The following GRID2 variants were observed in gnomAD, a reference collection of about 807,000 sequenced individuals.
GRID2 encodes the protein glutamate receptor ionotropic, delta-2.
A neutral mutation model predicts 114.8 loss-of-function variants in GRID2; 33 were observed. That is an observed-to-expected ratio of 0.29 (90% CI 0.22 to 0.38). GRID2 has a LOEUF of 0.38. Ranked by LOEUF, GRID2 falls within the 10% of genes least tolerant of loss-of-function variation. GRID2 has a pLI of 1.00. For missense variants in GRID2, 1,184 were observed against 1,257.7 expected, an observed-to-expected ratio of 0.94 and a Z score of 0.89; for synonymous variants, 505 against 449.9, an observed-to-expected ratio of 1.12 and a Z score of -1.55.
chr4:92,509,508 TA>T (rs1457344762), intron 1 of GRID2, among the ~76,000 whole-genome samples: 1 of 151,976 alleles, frequency 6.6e-6, no homozygotes, highest in Non-Finnish European at 1.5e-5. Context: ...AAAACAGACA[TA>T]AATGCTTGTT....
intron 2 of GRID2, among the ~76,000 whole-genome samples, chr4:92,678,247 T>A (rs1254816339): frequency 6.6e-6 from 1 of 152,152 alleles, no homozygotes; most frequent in Admixed American, 6.5e-5. Context: ...TTTATCAGCA[T>A]CTCACATACT....
chr4:93,248,856 A>G (rs2149527676), intron 8 of GRID2, among the ~76,000 whole-genome samples: 1 of 152,182 alleles, frequency 6.6e-6, no homozygotes, highest in East Asian at 1.9e-4. Flanking sequence ...TGTTTTTTCC[A>G]GTAATTTTAT....
intron 2 of GRID2, among the ~76,000 whole-genome samples, chr4:92,634,450 A>T (rs780701222): frequency 3.3e-5 from 5 of 152,154 alleles, no homozygotes; most frequent in Non-Finnish European, 7.3e-5. Flanking sequence ...GCCCTTTTGC[A>T]TTTGAACAAA....
chr4:92,699,077 G>GA (rs756576536), intron 2 of GRID2, among the ~76,000 whole-genome samples: 80 of 151,322 alleles, frequency 5.3e-4, no homozygotes, highest in African/African-American at 9.2e-4. Flanking sequence ...TTATAAATAA[G>GA]AAAAAAAACA....
Position 92,428,033 on chromosome 4 carries a change from C to T in GRID2, c.88+123289C>T, listed in dbSNP as rs527570348. Among the ~76,000 whole-genome samples, 760 of 152,076 alleles carry T rather than the reference C, an allele frequency of 5.0e-3. 2 individuals carry two copies. Among genetic ancestry groups the T allele is most frequent in the Non-Finnish European group, 7.4e-3 (505 of 67,968 alleles). ...ATCCCAGCACTTTGGGAGGCTGAGG[C>T]GGGCGGATCATGAGGTCAGGAGATC... On this transcript the variant is annotated intron_variant, in intron 1 of 15. Transcript: ENST00000282020.
chr4:92,770,383 C>T (rs974991826), intron 2 of GRID2, among the ~76,000 whole-genome samples: 2 of 152,136 alleles, frequency 1.3e-5, no homozygotes, highest in East Asian at 1.9e-4. Context: ...TTCTTCTGAG[C>T]CCTCCAAACT....
At chr4:93,031,071 C>T (rs1445433931) in intron 2 of GRID2, among the ~76,000 whole-genome samples, 2 of 130,238 alleles carry the variant, frequency 1.5e-5, no homozygotes, top group African/African-American at 6.0e-5. Flanking sequence ...GAGTCTCGCT[C>T]TGTCGCCCAG....
chr4:93,096,322 G>A (rs927012801), intron 3 of GRID2, among the ~76,000 whole-genome samples: 1 of 151,842 alleles, frequency 6.6e-6, no homozygotes, highest in African/African-American at 2.4e-5. Flanking sequence ...AGATTTCTTA[G>A]GTACCAAAAA....
At chr4:93,428,043 TAAAAAC>T (rs999512119) in intron 10 of GRID2, among the ~76,000 whole-genome samples, 2 of 151,996 alleles carry the variant, frequency 1.3e-5, no homozygotes, top group African/African-American at 4.8e-5. Flanking sequence ...CCAAAAAAAT[TAAAAAC>T]AAAGATAACT....
chr4:93,633,132 A>G (rs1721083507), intron 14 of GRID2, among the ~76,000 whole-genome samples: 4 of 147,528 alleles, frequency 2.7e-5, no homozygotes. Context: ...GTACTTCACA[A>G]TACTCTCATA....
chr4:93,218,605 T>G (rs1744510798), intron 6 of GRID2, among the ~76,000 whole-genome samples: 1 of 152,154 alleles, frequency 6.6e-6, no homozygotes, highest in Non-Finnish European at 1.5e-5. Context: ...CCACAGTGCT[T>G]TGGATCTGTG....
At chr4:93,388,214 ATTACT>A (rs1326442726) in intron 8 of GRID2, among the ~76,000 whole-genome samples, 4 of 152,154 alleles carry the variant, frequency 2.6e-5, no homozygotes, top group Admixed American at 2.0e-4. Flanking sequence ...ATGAGGAAAA[ATTACT>A]TTACTAATTC....
intron 3 of GRID2, among the ~76,000 whole-genome samples, chr4:93,092,660 G>C (rs1173511800): frequency 6.6e-6 from 1 of 151,952 alleles, no homozygotes; most frequent in Non-Finnish European, 1.5e-5. Flanking sequence ...TCAGTTAATG[G>C]ACTTTCACTA....
At chr4:92,887,795 C>T (rs1414954606) in intron 2 of GRID2, among the ~76,000 whole-genome samples, 1 of 152,150 alleles carries the variant, frequency 6.6e-6, no homozygotes, top group Non-Finnish European at 1.5e-5. Flanking sequence ...CTTTTTCTCT[C>T]TTGCTTTCTT....
At chr4:93,627,609 C>T (rs2149692171) in intron 14 of GRID2, among the ~76,000 whole-genome samples, 1 of 152,326 alleles carries the variant, frequency 6.6e-6, no homozygotes, top group East Asian at 1.9e-4. Flanking sequence ...ATGCTTCAAG[C>T]TGTGGGTCAA....
At chr4:93,722,003 C>T (rs1474013735) in intron 14 of GRID2, among the ~76,000 whole-genome samples, 1 of 150,148 alleles carries the variant, frequency 6.7e-6, no homozygotes, top group African/African-American at 2.4e-5. Context: ...ACTGCAACCT[C>T]CACTTCCCAG....
Position 92,678,850 on chromosome 4 carries a change from A to G in GRID2, c.244+88564A>G, listed in dbSNP as rs189837444. Among the ~76,000 whole-genome samples the G allele has an allele frequency of 6.6e-5, 10 of 152,044 alleles. No homozygotes were observed. In the East Asian group the frequency reaches 1.7e-3, roughly 27 times the overall value. ...AATGCACTACAAAGTGTGTATTTCT[A>G]TTGGCATATTTTCAAAAGTGAAACT... On this transcript the variant is annotated intron_variant, in intron 2 of 15. Coordinates refer to ENST00000282020, the MANE Select transcript of GRID2 (RefSeq NM_001510.4).
At chr4:92,469,108 A>T (rs1425167226) in intron 1 of GRID2, among the ~76,000 whole-genome samples, 2 of 152,166 alleles carry the variant, frequency 1.3e-5, no homozygotes, top group African/African-American at 4.8e-5. Flanking sequence ...ACTACCTAAC[A>T]TACTTAAGAA....
At chr4:93,583,210 C>T (rs1737162387) in intron 13 of GRID2, among the ~76,000 whole-genome samples, 1 of 152,124 alleles carries the variant, frequency 6.6e-6, no homozygotes, top group Non-Finnish European at 1.5e-5. Context: ...AACCTATTTC[C>T]AAACAAGGTC....
Sources: gnomAD v4.1 joint callset for allele counts (sites outside exome capture counted in the v4.1 genomes callset) on GRCh38, gnomAD v4.1.1 for gene constraint, MANE v1.5 for transcripts, NCBI Gene and HGNC (gene_info 2026-07-23, HGNC 2026-07-21) for gene names.